DTNA: variants seen among roughly 807,000 people sequenced by gnomAD.
The protein encoded by DTNA is dystrophin-related protein 3.
A neutral mutation model predicts 100.7 loss-of-function variants in DTNA; 43 were observed. The observed-to-expected ratio is 0.43, with a 90% CI of 0.33 to 0.55. The LOEUF (loss-of-function observed/expected upper bound fraction) is 0.55. Among genes scored for constraint, DTNA ranks in the 20% least tolerant of loss-of-function variants. The pLI is 0.04. For missense variants in DTNA, 798 were observed against 953.9 expected, an observed-to-expected ratio of 0.84 and a Z score of 2.15; for synonymous variants, 349 against 347.9, an observed-to-expected ratio of 1.00 and a Z score of -0.04.
chr18:34,736,132 T>C (rs976518765), intron 1 of DTNA, among the ~76,000 whole-genome samples: 3 of 152,192 alleles, frequency 2.0e-5, no homozygotes, highest in Non-Finnish European at 4.4e-5. Context: ...CAAACACTAA[T>C]GACTGAGTAC....
chr18:34,550,999 C>T (rs1175665941), intron 1 of DTNA, among the ~76,000 whole-genome samples: 2 of 152,152 alleles, frequency 1.3e-5, no homozygotes, highest in Admixed American at 6.5e-5. Flanking sequence ...CTTTTAGTCT[C>T]ATATTAACTC....
chr18:34,550,363 C>T (rs1389967509), intron 1 of DTNA, among the ~76,000 whole-genome samples: 2 of 152,060 alleles, frequency 1.3e-5, no homozygotes, highest in Non-Finnish European at 2.9e-5. Context: ...TATTGATTTT[C>T]GGCTAGGGGA....
At chr18:34,595,265 A>G (rs563271201) in intron 1 of DTNA, among the ~76,000 whole-genome samples, 11 of 152,376 alleles carry the variant, frequency 7.2e-5, no homozygotes, top group Admixed American at 2.0e-4. Context: ...TCAGGTACAC[A>G]CAGTAACACA....
chr18:34,810,548 A>G (rs56281117), intron 5 of DTNA, among the ~76,000 whole-genome samples: 20,912 of 150,088 alleles, frequency 0.14, 1,675 homozygotes, highest in African/African-American at 0.22. Context: ...GGGCTGCAGG[A>G]GGTTGGGGGG....
At chr18:34,689,126 C>T (rs959506016) in intron 1 of DTNA, among the ~76,000 whole-genome samples, 27 of 152,068 alleles carry the variant, frequency 1.8e-4, no homozygotes, top group African/African-American at 5.6e-4. Context: ...TATTACCCAC[C>T]TTCTGAAGCC....
At chr18:34,643,313 G>A (rs1347309789) in intron 1 of DTNA, among the ~76,000 whole-genome samples, 1 of 152,198 alleles carries the variant, frequency 6.6e-6, no homozygotes, top group Non-Finnish European at 1.5e-5. Flanking sequence ...CATGATGTTA[G>A]TTTAACTTTC....
intron 4 of DTNA, among the ~76,000 whole-genome samples, chr18:34,805,158 GAATA>G (rs2095328350): frequency 6.6e-6 from 1 of 152,178 alleles, no homozygotes; most frequent in South Asian, 2.1e-4. Flanking sequence ...CAAAGTATAA[GAATA>G]AACAGTTGAT....
chr18:34,733,244 A>C (rs2088744377), intron 1 of DTNA, among the ~76,000 whole-genome samples: 2 of 152,324 alleles, frequency 1.3e-5, no homozygotes, highest in Admixed American at 6.5e-5. Flanking sequence ...CTGGGTCTGC[A>C]AACTGGCTCA....
chr18:34,622,839 G>A (rs1390771850), intron 1 of DTNA, among the ~76,000 whole-genome samples: 3 of 152,280 alleles, frequency 2.0e-5, no homozygotes, highest in Non-Finnish European at 4.4e-5. Context: ...ATTGGGCTGA[G>A]CCATGTTACC....
At chr18:34,855,259 A>T (rs1344203698) in intron 15 of DTNA, among the ~76,000 whole-genome samples, 2 of 152,224 alleles carry the variant, frequency 1.3e-5, no homozygotes, top group Non-Finnish European at 2.9e-5. Flanking sequence ...CTATCCTGTT[A>T]TGATGGACAG....
intron 1 of DTNA, among the ~76,000 whole-genome samples, chr18:34,659,755 A>T (rs1449265399): frequency 1.3e-5 from 2 of 152,182 alleles, no homozygotes; most frequent in Non-Finnish European, 2.9e-5. Flanking sequence ...CTGAAGGAGC[A>T]TGTGAGCCTG....
At chr18:34,605,818 G>A (rs2052970834) in intron 1 of DTNA, among the ~76,000 whole-genome samples, 1 of 152,042 alleles carries the variant, frequency 6.6e-6, no homozygotes, top group South Asian at 2.1e-4. Flanking sequence ...TCTCTCAATG[G>A]CTGCAGTACA....
At chr18:34,687,733 AG>A (rs2079114403) in intron 1 of DTNA, among the ~76,000 whole-genome samples, 1 of 151,960 alleles carries the variant, frequency 6.6e-6, no homozygotes, top group Non-Finnish European at 1.5e-5. Flanking sequence ...TATTGATAGT[AG>A]GGTGTTAAAG....
intron 9 of DTNA, among the ~76,000 whole-genome samples, chr18:34,822,104 G>A (rs2095738581): frequency 6.6e-6 from 1 of 152,202 alleles, no homozygotes; most frequent in Non-Finnish European, 1.5e-5. Context: ...CATGGGCTCA[G>A]CCTCCAGAAA....
intron 1 of DTNA, among the ~76,000 whole-genome samples, chr18:34,649,245 G>C (rs2060178406): frequency 6.6e-6 from 1 of 152,190 alleles, no homozygotes; most frequent in Non-Finnish European, 1.5e-5. Context: ...GAGGTATTGA[G>C]AGAGCTATTT....
intron 1 of DTNA, among the ~76,000 whole-genome samples, chr18:34,560,930 A>C (rs2046578396): frequency 6.6e-6 from 1 of 152,190 alleles, no homozygotes; most frequent in South Asian, 2.1e-4. Flanking sequence ...TCAAAAAATA[A>C]AATTTGAATA....
In DTNA at chr18:34,611,998, A is replaced by T. The variant is rs1286581204; in HGVS notation, c.-2+118484A>T. Among the ~76,000 whole-genome samples the T allele has an allele frequency of 7.9e-5, 12 of 152,186 alleles. 1 individual carries two copies. ...TCCACCTGCCCAGCCCAGGCTGACCATCTGGCCTCCTATGAGTGCATTCTG... is the reference window on the plus strand; with the variant it reads ...TCCACCTGCCCAGCCCAGGCTGACCTTCTGGCCTCCTATGAGTGCATTCTG... On this transcript the variant is annotated intron_variant, in intron 1 of 19. Coordinates refer to the DTNA transcript ENST00000283365.
At chr18:34,615,427 G>GC (rs2147685830) in intron 1 of DTNA, among the ~76,000 whole-genome samples, 1 of 152,192 alleles carries the variant, frequency 6.6e-6, no homozygotes, top group African/African-American at 2.4e-5. Flanking sequence ...AATTGCCATA[G>GC]CCACCCTAAC....
chr18:34,889,056 G>T lies in DTNA; in HGVS notation c.*1322G>T, dbSNP rs750738452. 3.8e-4 allele frequency: 378 copies of T among 985,638 alleles called. 4 individuals are homozygous for T. Among genetic ancestry groups the T allele is most frequent in the Admixed American group, 1.2e-4 (2 of 16,270 alleles). The allele number at this position is 985,638 out of a possible 1,614,324, so 61.1% of individuals were successfully genotyped here. ...TAGTCTTTTCCAAGGACCCTCTTTA[G>T]AGGGCCCTAAAGACCTCCTTTGGGA... is the stretch of plus-strand genomic sequence containing the variant. On this transcript the variant is annotated 3_prime_UTR_variant, in exon 23 of 23. Coordinates refer to ENST00000444659, the MANE Select transcript of DTNA (RefSeq NM_001386795.1).
Sources: gnomAD v4.1 joint callset for allele counts (sites outside exome capture counted in the v4.1 genomes callset) on GRCh38, gnomAD v4.1.1 for gene constraint, MANE v1.5 for transcripts, NCBI Gene and HGNC (gene_info 2026-07-23, HGNC 2026-07-21) for gene names.